Variants in ACOT12 observed in about 807,000 individuals in gnomAD.
The protein encoded by ACOT12 is acetyl-coenzyme A thioesterase.
A neutral mutation model predicts 67.7 loss-of-function variants in ACOT12; 51 were observed. The observed-to-expected ratio is 0.75, with a 90% CI of 0.60 to 0.95. The LOEUF is 0.95. Among genes scored for constraint, ACOT12 ranks in the 40% least tolerant of loss-of-function variants. ACOT12 has a pLI of 0.00. For synonymous variants in ACOT12, 251 were observed against 244.6 expected, an observed-to-expected ratio of 1.03 and a Z score of -0.24; for missense variants, 734 against 708.1, an observed-to-expected ratio of 1.04 and a Z score of -0.41.
the ACOT12 span, chr5:81,309,166 T>A: frequency 1.5e-6 from 1 of 673,056 alleles, no homozygotes; most frequent in Admixed American, 3.4e-5. Context: ...TTACATTATT[T>A]TTATCAAGTG....
intron 2 of ACOT12, among the ~76,000 whole-genome samples, chr5:81,372,628 C>T (rs1253714456): frequency 6.6e-6 from 1 of 152,204 alleles, no homozygotes; most frequent in Admixed American, 6.5e-5. Context: ...TTCCCTGAAT[C>T]TCCATCAGTC....
intron 12 of ACOT12, among the ~76,000 whole-genome samples, chr5:81,333,183 A>G (rs1262848903): frequency 2.0e-5 from 3 of 152,322 alleles, no homozygotes; most frequent in Non-Finnish European, 2.9e-5. Context: ...ATAATTCTCA[A>G]TACTTCAGTG....
chr5:81,375,080 G>A (rs7719033), intron 2 of ACOT12, among the ~76,000 whole-genome samples: 95,061 of 152,032 alleles, frequency 0.63, 31,999 homozygotes, highest in African/African-American at 0.86. Flanking sequence ...AATGTTAAGG[G>A]CAGCCAGAGA....
intron 2 of ACOT12, among the ~76,000 whole-genome samples, chr5:81,372,962 C>A (rs974770308): frequency 6.6e-6 from 1 of 152,000 alleles, no homozygotes; most frequent in African/African-American, 2.4e-5. Context: ...ATAAAAAATC[C>A]CTGTCATTAA....
At chr5:81,369,132 T>A (rs1760168369) in intron 3 of ACOT12, among the ~76,000 whole-genome samples, 1 of 151,520 alleles carries the variant, frequency 6.6e-6, no homozygotes, top group African/African-American at 2.4e-5. Flanking sequence ...TAAAACTGAT[T>A]CTTAAAGACA....
At chr5:81,338,750 T>C (rs1759091479) in intron 11 of ACOT12, among the ~76,000 whole-genome samples, 1 of 152,202 alleles carries the variant, frequency 6.6e-6, no homozygotes, top group South Asian at 2.1e-4. Context: ...ATTAGTGATA[T>C]CATTGTTTTC....
the ACOT12 span, among the ~76,000 whole-genome samples, chr5:81,322,604 A>G: frequency 4.6e-5 from 7 of 152,198 alleles, no homozygotes; most frequent in Non-Finnish European, 7.3e-5. Context: ...GGATAGACCA[A>G]AAGGAGGTGA....
chr5:81,309,496 C>T, the ACOT12 span, among the ~76,000 whole-genome samples: 2 of 152,068 alleles, frequency 1.3e-5, no homozygotes, highest in Admixed American at 6.6e-5. Flanking sequence ...GATCATGTAG[C>T]TTTTTTCTCT....
In ACOT12 at chr5:81,369,154, C is replaced by G. The variant is rs796710762; in HGVS notation, c.258+2596G>C. On this transcript the variant is annotated intron_variant, in intron 3 of 14. Transcript: ENST00000307624. ...GATTCTTAAAGACATATTCTAAGGA[C>G]AAAAAAAAAAAAACTCACACTCATA... Among the ~76,000 whole-genome samples the G allele has an allele frequency of 1.1e-4, 14 of 130,114 alleles. No homozygotes were observed. In the South Asian group the frequency reaches 3.4e-3, roughly 32 times the overall value. 85.4% of individuals were successfully genotyped at this position (130,114 alleles called of 152,430 possible). A position where few individuals can be genotyped will look rare whatever the true frequency, so the allele number is the denominator to read the frequency against.
At chr5:81,320,546 C>T in the ACOT12 span, among the ~76,000 whole-genome samples, 26,098 of 152,050 alleles carry the variant, frequency 0.17, 2,545 homozygotes, top group Admixed American at 0.27. Context: ...TTGAGATCTT[C>T]ATTAAAAAAT....
downstream of ACOT12, among the ~76,000 whole-genome samples, chr5:81,327,386 G>A (rs944238562): frequency 3.9e-5 from 6 of 152,012 alleles, no homozygotes; most frequent in African/African-American, 1.2e-4. Flanking sequence ...TAGAGAAACC[G>A]AATGCAGATT....
intron 5 of ACOT12, among the ~76,000 whole-genome samples, chr5:81,351,516 T>C (rs1286722547): frequency 6.6e-6 from 1 of 152,134 alleles, no homozygotes; most frequent in Non-Finnish European, 1.5e-5. Context: ...GGACAATCTC[T>C]TCAATAAATG....
chr5:81,336,521 T>C (rs1420640691), intron 11 of ACOT12, among the ~76,000 whole-genome samples: 1 of 152,180 alleles, frequency 6.6e-6, no homozygotes, highest in African/African-American at 2.4e-5. Context: ...CTAATGCACA[T>C]TATTCCTTAG....
downstream of ACOT12, among the ~76,000 whole-genome samples, chr5:81,329,488 G>A (rs1278733752): frequency 6.6e-6 from 1 of 152,210 alleles, no homozygotes; most frequent in African/African-American, 2.4e-5. Context: ...ATAGATGGGT[G>A]AGGGTTGGTA....
chr5:81,361,218 C>T (rs576231938), intron 4 of ACOT12, among the ~76,000 whole-genome samples: 4 of 142,300 alleles, frequency 2.8e-5, no homozygotes, highest in African/African-American at 1.0e-4. Context: ...GGTTTAACTC[C>T]TTTTTTTTTT....
At chr5:81,314,407 T>G in the ACOT12 span, among the ~76,000 whole-genome samples, 1 of 152,156 alleles carries the variant, frequency 6.6e-6, no homozygotes, top group Non-Finnish European at 1.5e-5. Flanking sequence ...CCGGCCTACT[T>G]TGTTTATATT....
chr5:81,377,492 C>A (rs1760455052), intron 2 of ACOT12, among the ~76,000 whole-genome samples: 1 of 152,064 alleles, frequency 6.6e-6, no homozygotes, highest in Admixed American at 6.5e-5. Flanking sequence ...CTGGCCAGGA[C>A]AATCCGGCAA....
At chr5:81,387,845 G>GAA (rs1355709983) in intron 1 of ACOT12, among the ~76,000 whole-genome samples, 1 of 152,062 alleles carries the variant, frequency 6.6e-6, no homozygotes, top group Non-Finnish European at 1.5e-5. Flanking sequence ...ATGCCCGGCT[G>GAA]AGTTATCAAT....
chr5:81,386,065 G>C (rs1430994356), intron 1 of ACOT12, among the ~76,000 whole-genome samples: 4 of 152,112 alleles, frequency 2.6e-5, no homozygotes. Flanking sequence ...AACTTACATG[G>C]TCTTGTATTT....
Sources: allele counts gnomAD v4.1 joint callset (sites outside exome capture counted in the v4.1 genomes callset), GRCh38; gene constraint gnomAD v4.1.1; transcripts MANE v1.5; gene names NCBI Gene and HGNC (gene_info 2026-07-23, HGNC 2026-07-21).